Variants in BTBD18 observed in about 807,000 individuals in gnomAD.
BTBD18 encodes the protein BTB domain containing 18.
For missense variants in BTBD18, 787 were observed against 846.3 expected, an observed-to-expected ratio of 0.93 and a Z score of 0.87; for synonymous variants, 311 against 324.4, an observed-to-expected ratio of 0.96 and a Z score of 0.44.
Position 57,744,201 on chromosome 11 carries a change from G to A in BTBD18, c.2072C>T (p.Thr691Ile). Reference sequence around the variant, plus strand: ...GTCAGGCCACACGGAGGGAACAGTAGTGGGTACCAGCCTCCCCTCTGCTGT... The same window carrying A: ...GTCAGGCCACACGGAGGGAACAGTAATGGGTACCAGCCTCCCCTCTGCTGT... Reference protein sequence around the residue: ...DWTAEGRLVPTTVPSVWPDPS... With the variant: ...DWTAEGRLVPITVPSVWPDPS... The change falls in exon 3 of 3, where the codon ACT becomes ATT. Residue 691 changes from threonine to isoleucine, a missense_variant. Transcript: ENST00000422652. The A allele has an allele frequency of 1.3e-6, 2 of 1,551,672 alleles. No homozygotes were observed. Among genetic ancestry groups the A allele is most frequent in the Non-Finnish European group, 1.7e-6 (2 of 1,146,990 alleles).
chr11:57,748,202 A>G (rs148213557), intron 2 of BTBD18, among the ~76,000 whole-genome samples: 1 of 152,322 alleles, frequency 6.6e-6, no homozygotes, highest in African/African-American at 2.4e-5. Flanking sequence ...GATTATAGGC[A>G]TGAGCAACTG....
intron 2 of BTBD18, among the ~76,000 whole-genome samples, chr11:57,746,442 G>A (rs1337947489): frequency 6.7e-6 from 1 of 150,130 alleles, no homozygotes; most frequent in Non-Finnish European, 1.5e-5. Flanking sequence ...CAATTCTCCT[G>A]TCTTAGCCTC....
At position 57,745,410 on chromosome 11, in the gene BTBD18, G is replaced by A. The variant is rs1167561747; in HGVS notation, c.863C>T (p.Ser288Leu). 1 of 1,551,660 alleles carries A rather than the reference G, an allele frequency of 6.4e-7. No individual in the cohort carries two copies. Among genetic ancestry groups the A allele is most frequent in the Non-Finnish European group, 8.7e-7 (1 of 1,146,990 alleles). ...KPSSILSGSS[S>L]VPATPGRRLW... ...ACGCCGGCCAGGGGTTGCAGGCACT[G>A]AGCTAGATCCACTTAAAATGCTGGA... Residue 288 changes from serine to leucine, a missense_variant, in exon 3 of 3, where the codon TCA (serine) becomes TTA (leucine). Coordinates refer to ENST00000422652, the MANE Select transcript of BTBD18 (RefSeq NM_001145101.3).
upstream of BTBD18, among the ~76,000 whole-genome samples, chr11:57,752,533 A>G (rs1427019634): frequency 2.0e-5 from 3 of 152,174 alleles, no homozygotes; most frequent in Non-Finnish European, 4.4e-5. Context: ...TCAAAAAAAA[A>G]AAAAAAATTC....
At chr11:57,747,313 C>T (rs1336864885) in intron 2 of BTBD18, among the ~76,000 whole-genome samples, 1 of 152,204 alleles carries the variant, frequency 6.6e-6, no homozygotes, top group Non-Finnish European at 1.5e-5. Flanking sequence ...GGCATGTCTA[C>T]ATATATGCCT....
In BTBD18 at chr11:57,743,818, C is replaced by G; in HGVS notation, c.*316G>C. The G allele has an allele frequency of 4.3e-6, 1 of 231,930 alleles. No homozygotes were observed. Among genetic ancestry groups the G allele is most frequent in the South Asian group, 9.3e-5 (1 of 10,700 alleles). 14.4% of individuals were successfully genotyped at this position (231,930 alleles called of 1,614,324 possible). The stretch of plus-strand genomic sequence containing the variant: ...TCCTAAATTACCAGTGACTGGATGC[C>G]TTATGACCTGAGAGATCTGGCCTTG... On this transcript the variant is annotated 3_prime_UTR_variant, in exon 3 of 3. Coordinates refer to ENST00000422652, the MANE Select transcript of BTBD18 (RefSeq NM_001145101.3).
At position 57,744,322 on chromosome 11, in the gene BTBD18, A is replaced by G. The variant is rs1949148177; in HGVS notation, c.1951T>C (p.Ser651Pro). The G allele has an allele frequency of 6.4e-7, 1 of 1,551,560 alleles. No individual in the cohort carries two copies. The highest frequency in any genetic ancestry group is 2.4e-5 in the East Asian group (1 of 40,912). ...GATACCTCCTTGCCTGCCTTGGGAG[A>G]AGGGTATAATAACTCATCTGTAGTC... ...SLTTDELLYP[S>P]PKAGKEVSGH... Residue 651 changes from serine (S) to proline (P), a missense_variant, in exon 3 of 3, where the codon TCT (serine) becomes CCT (proline). Physicochemically the swap from Ser to Pro is moderately conservative, Grantham distance 74. Transcript: ENST00000422652.
chr11:57,750,507 C>T (rs1949285573), intron 2 of BTBD18, among the ~76,000 whole-genome samples: 1 of 152,386 alleles, frequency 6.6e-6, no homozygotes, highest in East Asian at 1.9e-4. Context: ...ACCAGCCTGG[C>T]CATCATGGCA....
intron 2 of BTBD18, among the ~76,000 whole-genome samples, chr11:57,748,788 G>A (rs1242295984): frequency 1.3e-5 from 2 of 152,144 alleles, no homozygotes; most frequent in African/African-American, 4.8e-5. Flanking sequence ...CAAGCTGAAT[G>A]TTGTTTCTAA....
intron 1 of BTBD18, 146 bp downstream of exon 1, chr11:57,751,395 C>A: frequency 2.3e-6 from 1 of 437,576 alleles, no homozygotes; most frequent in Non-Finnish European, 4.0e-6. Flanking sequence ...AGAAAATTAT[C>A]ATAGTGGTTA....
In BTBD18 at chr11:57,745,872, G is replaced by A. The variant is rs1306292846; in HGVS notation, c.401C>T (p.Pro134Leu). 2 of 1,551,656 alleles carry A rather than the reference G, an allele frequency of 1.3e-6. No homozygotes were observed. The highest frequency in any genetic ancestry group is 1.2e-5 in the South Asian group (1 of 84,056). ...QLEGGKLVKA[P>L]QGRRLNRECL... ...CTCTCGGTTCAGCCTTCGGCCCTGT[G>A]GGGCCTTCACCAACTTTCCACCCTC... The change falls in exon 3 of 3, where the codon CCA (proline) becomes CTA (leucine). Residue 134 changes from proline to leucine, a missense_variant. Pro to Leu is a moderately conservative substitution (Grantham distance 98, BLOSUM62 -3). Transcript: ENST00000422652.
At chr11:57,747,578 G>A (rs776527451) in intron 2 of BTBD18, among the ~76,000 whole-genome samples, 3 of 152,044 alleles carry the variant, frequency 2.0e-5, no homozygotes, top group Non-Finnish European at 2.9e-5. Context: ...GCAATGGTGC[G>A]ATCTCAGGTT....
rs557134371 is a variant in BTBD18 at position 57,745,815 on chromosome 11, G to A, written c.458C>T (p.Ser153Phe). 1 of 1,551,638 alleles carries A rather than the reference G, an allele frequency of 6.4e-7. No individual in the cohort carries two copies. The highest frequency in any genetic ancestry group is 1.2e-5 in the South Asian group (1 of 84,046). ...GTGGCTGGGTGTCACCACTCTGGCA[G>A]AGATTGGTGCAGCACTTGTTGGTTG... ...CLQPTSAAPISARVVTPSHHP... is the reference protein window; with the variant it reads ...CLQPTSAAPIFARVVTPSHHP... The change falls in exon 3 of 3, where the codon TCT (serine) becomes TTT (phenylalanine). Residue 153 changes from serine (S) to phenylalanine (F), a missense_variant. Coordinates refer to ENST00000422652, the MANE Select transcript of BTBD18 (RefSeq NM_001145101.3).
At chr11:57,747,825 G>C (rs1590996652) in intron 2 of BTBD18, among the ~76,000 whole-genome samples, 1 of 151,748 alleles carries the variant, frequency 6.6e-6, no homozygotes, top group Non-Finnish European at 1.5e-5. Flanking sequence ...TTTGAGACAG[G>C]GTCTTGCTCT....
rs774530773 is a variant in BTBD18 at position 57,745,398 on chromosome 11, G to A, written c.875C>T (p.Thr292Ile). ...ILSGSSSVPA[T>I]PGRRLWRQRS... is the part of the protein sequence containing the mutation. ...CTGCCGCCAAAGACGCCGGCCAGGG[G>A]TTGCAGGCACTGAGCTAGATCCACT... Residue 292 changes from threonine (T) to isoleucine (I), a missense_variant, in exon 3 of 3, where the codon ACC (threonine) becomes ATC (isoleucine). Transcript: ENST00000422652. 6.4e-6 allele frequency: 10 copies of A among 1,551,592 alleles called. No homozygotes were observed. In the African/African-American group the frequency reaches 1.1e-4, roughly 17 times the overall value.
rs994284166 is a variant in BTBD18, at chr11:57,744,089, C to T, written c.*45G>A. The T allele has an allele frequency of 2.9e-6, 4 of 1,368,496 alleles. No homozygotes were observed. The highest frequency in any genetic ancestry group is 1.4e-5 in the African/African-American group (1 of 69,338). 84.8% of individuals were successfully genotyped at this position (1,368,496 alleles called of 1,614,324 possible). ...TGCCAGTAAGCCTTTTGCTAGCTAA[C>T]ATTTCCCACCCTCCCAAGGCCCCTA... On this transcript the variant is annotated 3_prime_UTR_variant, in exon 3 of 3. Transcript: ENST00000422652.
At chr11:57,749,805 C>T (rs1949269133) in intron 2 of BTBD18, among the ~76,000 whole-genome samples, 1 of 138,134 alleles carries the variant, frequency 7.2e-6, no homozygotes. Flanking sequence ...ATGTAATCCA[C>T]AAACTGTAGA....
At position 57,751,198 on chromosome 11, in the gene BTBD18, A is replaced by G; in HGVS notation, c.-10T>C. On this transcript the variant is annotated 5_prime_UTR_variant, in exon 2 of 3. Coordinates refer to ENST00000422652, the MANE Select transcript of BTBD18 (RefSeq NM_001145101.3). Reference sequence around the variant, plus strand: ...TGGCAGGAGAGCACATGTTGGCAAGAGTCTTAACAAACCTTCTAGGTTTTC... The same window carrying G: ...TGGCAGGAGAGCACATGTTGGCAAGGGTCTTAACAAACCTTCTAGGTTTTC... 6.5e-7 allele frequency: 1 copy of G among 1,531,684 alleles called. No individual in the cohort carries two copies. The highest frequency in any genetic ancestry group is 8.8e-7 in the Non-Finnish European group (1 of 1,139,472). The allele number at this position is 1,531,684 out of a possible 1,614,324, so 94.9% of individuals were successfully genotyped here.
chr11:57,750,982 T>C, intron 2 of BTBD18, 83 bp downstream of exon 2: 1 of 1,281,874 alleles, frequency 7.8e-7, no homozygotes, highest in Admixed American at 3.7e-5. Context: ...ATTTTGCTGA[T>C]TTTGTCCTTT....
Sources: gnomAD v4.1 joint callset for allele counts (sites outside exome capture counted in the v4.1 genomes callset) on GRCh38, gnomAD v4.1.1 for gene constraint, MANE v1.5 for transcripts, NCBI Gene and HGNC (gene_info 2026-07-23, HGNC 2026-07-21) for gene names.